The following DGKB variants were observed in gnomAD, a reference collection of about 807,000 sequenced individuals.
The protein encoded by DGKB is diacylglycerol kinase beta.
A neutral mutation model predicts 114.3 loss-of-function variants in DGKB; 67 were observed. That is an observed-to-expected ratio of 0.59 (90% confidence interval 0.48 to 0.72). DGKB has a LOEUF of 0.72. Among genes scored for constraint, DGKB ranks in the 30% least tolerant of loss-of-function variants. The pLI is 0.00. For synonymous variants in DGKB, 398 were observed against 323.1 expected, an observed-to-expected ratio of 1.23 and a Z score of -2.49; for missense variants, 907 against 975.2, an observed-to-expected ratio of 0.93 and a Z score of 0.93.
intron 20 of DGKB, among the ~76,000 whole-genome samples, chr7:14,513,529 A>G (rs1051775850): frequency 6.6e-6 from 1 of 152,078 alleles, no homozygotes; most frequent in Non-Finnish European, 1.5e-5. Context: ...TAGCACTCAG[A>G]TAATTATTAC....
intron 1 of DGKB, among the ~76,000 whole-genome samples, chr7:14,916,415 T>TA (rs1784242162): frequency 6.6e-6 from 1 of 151,824 alleles, no homozygotes; most frequent in Non-Finnish European, 1.5e-5. Context: ...AGAGGACATG[T>TA]AAAAAAAGAT....
At chr7:14,860,967 G>A (rs1850895162) in intron 1 of DGKB, among the ~76,000 whole-genome samples, 1 of 151,888 alleles carries the variant, frequency 6.6e-6, no homozygotes, top group South Asian at 2.1e-4. Flanking sequence ...AACACTGCAT[G>A]CCACACTATA....
At chr7:14,896,452 T>C (rs1317844068) in intron 1 of DGKB, among the ~76,000 whole-genome samples, 1 of 151,586 alleles carries the variant, frequency 6.6e-6, no homozygotes, top group Non-Finnish European at 1.5e-5. Flanking sequence ...TAATATTTAA[T>C]AAATTTTGTA....
chr7:14,733,963 G>C (rs1831313675), intron 5 of DGKB, among the ~76,000 whole-genome samples: 1 of 151,732 alleles, frequency 6.6e-6, no homozygotes, highest in Non-Finnish European at 1.5e-5. Context: ...TTAATTACAT[G>C]TTCTTGCATT....
At chr7:14,663,821 A>T (rs1309451606) in intron 13 of DGKB, among the ~76,000 whole-genome samples, 3 of 151,810 alleles carry the variant, frequency 2.0e-5, no homozygotes, top group Admixed American at 1.3e-4. Context: ...GTGCAAAAAA[A>T]AACAAATTAT....
intron 25 of DGKB, among the ~76,000 whole-genome samples, chr7:14,170,131 T>A (rs1209201730): frequency 3.7e-5 from 2 of 54,698 alleles, no homozygotes; most frequent in Non-Finnish European, 8.2e-5. Context: ...AGAAACTCCA[T>A]CTCAAAAAAA....
intron 13 of DGKB, among the ~76,000 whole-genome samples, chr7:14,662,847 A>C (rs1273151076): frequency 6.6e-6 from 1 of 151,864 alleles, no homozygotes; most frequent in African/African-American, 2.4e-5. Flanking sequence ...AGGTTTTTAA[A>C]TGTTTAAATT....
At chr7:14,833,109 A>G (rs903659905) in intron 2 of DGKB, among the ~76,000 whole-genome samples, 40 of 152,132 alleles carry the variant, frequency 2.6e-4, no homozygotes, top group African/African-American at 8.7e-4. Flanking sequence ...AATTCGGTTC[A>G]TTCTGCCTCT....
rs188232922 is a variant in DGKB at position 14,887,216 on chromosome 7, T to C, written c.-188+15376A>G. Among the ~76,000 whole-genome samples the C allele has an allele frequency of 7.5e-3, 1,134 of 151,912 alleles. 12 individuals are homozygous for C. The highest frequency in any genetic ancestry group is 0.026 in the African/African-American group (1,091 of 41,480). ...CTCCACCACACCACTGAAATTCCCC[T>C]TTAAAAGGCCAGCAAAGATCCATCT... On this transcript the variant is annotated intron_variant, in intron 1 of 25. Coordinates refer to ENST00000402815, the MANE Select transcript of DGKB (RefSeq NM_001350709.2).
chr7:14,953,366 C>A (rs1467073505), intron 1 of DGKB, among the ~76,000 whole-genome samples: 1 of 152,000 alleles, frequency 6.6e-6, no homozygotes, highest in African/African-American at 2.4e-5. Flanking sequence ...TAATAAAAGA[C>A]TGATCATTTT....
intron 21 of DGKB, among the ~76,000 whole-genome samples, chr7:14,475,837 A>C (rs1782083823): frequency 6.6e-6 from 1 of 152,122 alleles, no homozygotes; most frequent in Non-Finnish European, 1.5e-5. Context: ...ATTAGTAATA[A>C]AAGATTAAAT....
At chr7:14,408,236 G>A (rs1824268719) in intron 21 of DGKB, among the ~76,000 whole-genome samples, 1 of 152,056 alleles carries the variant, frequency 6.6e-6, no homozygotes, top group Admixed American at 6.6e-5. Flanking sequence ...GGATTTTATA[G>A]AACTTGTCAT....
intron 21 of DGKB, among the ~76,000 whole-genome samples, chr7:14,421,713 G>T (rs1028191188): frequency 3.0e-4 from 45 of 152,094 alleles, no homozygotes; most frequent in African/African-American, 1.1e-3. Context: ...TCTAAAATAA[G>T]AAAGTGATGA....
chr7:14,496,215 A>G (rs958231635), intron 20 of DGKB, among the ~76,000 whole-genome samples: 1 of 151,818 alleles, frequency 6.6e-6, no homozygotes, highest in Non-Finnish European at 1.5e-5. Context: ...TTTGTTTTTG[A>G]ATTTCAAATG....
intron 25 of DGKB, among the ~76,000 whole-genome samples, chr7:14,164,001 CAAAAAACAAACAAAAA>C (rs1784282644): frequency 6.9e-6 from 1 of 144,646 alleles, no homozygotes; most frequent in African/African-American, 2.7e-5. Flanking sequence ...ATCTCAAAAA[CAAAAAACAAACAAAAA>C]AAAAAACAAA....
At chr7:14,375,253 T>C (rs900476515) in intron 21 of DGKB, among the ~76,000 whole-genome samples, 3 of 152,232 alleles carry the variant, frequency 2.0e-5, no homozygotes, top group African/African-American at 7.2e-5. Context: ...TTCCAGGCAG[T>C]GTAACAGTTT....
intron 21 of DGKB, among the ~76,000 whole-genome samples, chr7:14,380,960 T>A (rs1186208710): frequency 6.6e-6 from 1 of 152,190 alleles, no homozygotes; most frequent in Non-Finnish European, 1.5e-5. Context: ...GAAGATTAAA[T>A]CCAAGGAGTT....
At chr7:14,442,702 T>C (rs1830235300) in intron 21 of DGKB, among the ~76,000 whole-genome samples, 1 of 152,146 alleles carries the variant, frequency 6.6e-6, no homozygotes, top group Admixed American at 6.6e-5. Context: ...AACTTTTTTC[T>C]AATGTCCAAT....
At chr7:14,465,440 G>T (rs1183869041) in intron 21 of DGKB, among the ~76,000 whole-genome samples, 1 of 152,172 alleles carries the variant, frequency 6.6e-6, no homozygotes, top group African/African-American at 2.4e-5. Flanking sequence ...CTGGGAATAG[G>T]TATAGAATGA....
Sources: allele counts gnomAD v4.1 joint callset (sites outside exome capture counted in the v4.1 genomes callset), GRCh38; gene constraint gnomAD v4.1.1; transcripts MANE v1.5; gene names NCBI Gene and HGNC (gene_info 2026-07-23, HGNC 2026-07-21).